Variants in MYO9B observed in about 807,000 individuals in gnomAD.
The protein encoded by MYO9B is unconventional myosin-IXb.
Under a neutral mutation model 229.5 loss-of-function variants are expected in MYO9B, and 71 were observed. The observed-to-expected ratio is 0.31, with a 90% confidence interval of 0.26 to 0.38. The LOEUF is 0.38. Ranked by LOEUF, MYO9B falls within the 10% of genes least tolerant of loss-of-function variation. MYO9B has a pLI of 1.00. For synonymous variants in MYO9B, 1,185 were observed against 1,235.8 expected, an observed-to-expected ratio of 0.96 and a Z score of 0.86; for missense variants, 2,255 against 2,920.5, an observed-to-expected ratio of 0.77 and a Z score of 5.25.
intron 10 of MYO9B, among the ~76,000 whole-genome samples, chr19:17,166,335 G>A (rs921723953): frequency 3.3e-5 from 5 of 152,140 alleles, no homozygotes; most frequent in Admixed American, 2.6e-4. Flanking sequence ...GAGCCACCAC[G>A]CCCAGCCCTT....
intron 1 of MYO9B, among the ~76,000 whole-genome samples, chr19:17,086,792 A>T (rs1019000901): frequency 1.3e-5 from 2 of 152,104 alleles, no homozygotes; most frequent in African/African-American, 4.8e-5. Context: ...AGGCACGAGA[A>T]TCACTTGAAC....
At chr19:17,205,100 G>A (rs964192810) in intron 30 of MYO9B, among the ~76,000 whole-genome samples, 163 bp from the exon 31 acceptor site, 7 of 150,674 alleles carry the variant, frequency 4.6e-5, no homozygotes, top group Non-Finnish European at 8.8e-5. Context: ...GCAGTGAGCC[G>A]AGATCACGCC....
At chr19:17,094,403 T>C (rs1017770314) in intron 1 of MYO9B, among the ~76,000 whole-genome samples, 5 of 152,116 alleles carry the variant, frequency 3.3e-5, no homozygotes. Context: ...ACTTACTCAG[T>C]GTGCCAACAG....
rs201901797 is a variant in MYO9B, at chr19:17,101,761, C to T, written c.44C>T (p.Ala15Val). 198 of 1,596,152 alleles carry T rather than the reference C, an allele frequency of 1.2e-4. 2 individuals carry two copies. In the Admixed American group the frequency reaches 3.2e-3, roughly 26 times the overall value. ...GGCAGCTCGGGCCGCCGGGAGCAGG[C>T]GGCCTACCACCTGCACATCTACCCC... is the stretch of plus-strand genomic sequence containing the variant. ...EAGSSGRREQ[A>V]AYHLHIYPQL... is the part of the protein sequence containing the mutation. Residue 15 changes from alanine (A) to valine (V), a missense_variant, in exon 2 of 40, where the codon GCG becomes GTG. Coordinates refer to ENST00000682292, the MANE Select transcript of MYO9B (RefSeq NM_004145.4). The surrounding 1 kb of genome is among the most constrained non-coding windows in gnomAD (Gnocchi z 4.7).
intron 26 of MYO9B, 147 bp downstream of exon 26, chr19:17,200,976 T>G: frequency 1.0e-6 from 1 of 963,944 alleles, no homozygotes; most frequent in Non-Finnish European, 1.5e-6. Context: ...CAGTGGTTCA[T>G]GTTTGTCATC....
At chr19:17,109,424 C>T (rs1055461260) in intron 2 of MYO9B, among the ~76,000 whole-genome samples, 3 of 152,118 alleles carry the variant, frequency 2.0e-5, no homozygotes, top group Admixed American at 6.6e-5. Context: ...GTTTGGGCTT[C>T]GTGATTTTCC....
intron 1 of MYO9B, among the ~76,000 whole-genome samples, chr19:17,095,237 GAA>G: frequency 6.6e-6 from 1 of 151,240 alleles, no homozygotes; most frequent in African/African-American, 2.4e-5. Context: ...TCTCAAAAAA[GAA>G]AAAAAAATTA....
chr19:17,124,430 G>A (rs995203740), intron 2 of MYO9B, among the ~76,000 whole-genome samples: 3 of 152,140 alleles, frequency 2.0e-5, no homozygotes, highest in Admixed American at 6.6e-5. Context: ...AAAACTTCGT[G>A]GAACTTTTTT....
At position 17,194,583 on chromosome 19, in the gene MYO9B, G is replaced by A; in HGVS notation, c.3156G>A (p.Gln1052=). 1 of 1,612,820 alleles carries A rather than the reference G, an allele frequency of 6.2e-7. No homozygotes were observed. The highest frequency in any genetic ancestry group is 2.2e-5 in the East Asian group (1 of 44,886). The part of the protein sequence containing the change: ...KSFSQMISEK[Q]KAEEKEREAL... ...TCAGCCAGATGATCTCGGAGAAGCA[G>A]AAGGCAGAAGAGAAGGAGAGGGAAG... The change falls in exon 22 of 40, where the codon CAG becomes CAA. Residue 1052 remains glutamine, a synonymous_variant. Coordinates refer to ENST00000682292, the MANE Select transcript of MYO9B (RefSeq NM_004145.4).
At chr19:17,144,451 G>A (rs1240909158) in intron 2 of MYO9B, among the ~76,000 whole-genome samples, 4 of 149,812 alleles carry the variant, frequency 2.7e-5, no homozygotes, top group African/African-American at 9.9e-5. Flanking sequence ...CAAAAAATTA[G>A]CCAGGCGTGG....
intron 2 of MYO9B, among the ~76,000 whole-genome samples, chr19:17,104,141 G>A (rs1277753680): frequency 3.3e-5 from 5 of 152,122 alleles, no homozygotes; most frequent in Non-Finnish European, 7.4e-5. Context: ...GAAAGAAAAG[G>A]CTGGTGTATT....
intron 2 of MYO9B, among the ~76,000 whole-genome samples, chr19:17,118,635 T>A (rs913483367): frequency 2.0e-5 from 3 of 151,882 alleles, no homozygotes; most frequent in Non-Finnish European, 4.4e-5. Context: ...GCGTGCGCCA[T>A]CACGCCCACC....
rs1599381840 is a variant in MYO9B, at chr19:17,162,424, C to T, written c.1494C>T (p.Asn498=). The T allele has an allele frequency of 1.3e-6, 2 of 1,585,224 alleles. No individual in the cohort carries two copies. The highest frequency in any genetic ancestry group is 1.7e-6 in the Non-Finnish European group (2 of 1,166,726). Residue 498 remains asparagine, a synonymous_variant, in exon 9 of 40, where the codon AAC becomes AAT. Transcript: ENST00000682292. The part of the protein sequence containing the change: ...ALFDWIVLRI[N]HALLNKKDVE... ...TCGACTGGATTGTGCTGCGGATCAACCACGCACTCCTCAACAAGAAGGACG... is the reference window on the plus strand; with the variant it reads ...TCGACTGGATTGTGCTGCGGATCAATCACGCACTCCTCAACAAGAAGGACG...
chr19:17,172,224 G>GC lies in MYO9B; in HGVS notation c.1794-109dup. The GC allele has an allele frequency of 7.3e-7, 1 of 1,372,728 alleles. No individual in the cohort carries two copies. The highest frequency in any genetic ancestry group is 9.9e-7 in the Non-Finnish European group (1 of 1,009,794). The allele number at this position is 1,372,728 out of a possible 1,614,324, so 85.0% of individuals were successfully genotyped here. On this transcript the variant is annotated intron_variant, in intron 11 of 39. Transcript: ENST00000682292. This position sits in a 1 kb window ranked among gnomAD's most constrained non-coding sequence, Gnocchi z 8.2. ...GAGCCCTGTGCCACTTCACTGCTCT[G>GC]CCCACCCCATGCACCCACCCACCTC...
chr19:17,188,698 T>C (rs1323627293), intron 19 of MYO9B, among the ~76,000 whole-genome samples: 4 of 152,124 alleles, frequency 2.6e-5, no homozygotes, highest in Non-Finnish European at 4.4e-5. Flanking sequence ...CCTTAAATAT[T>C]TGAAATAATA....
rs2145291041 is a variant in MYO9B, at chr19:17,157,009, G to A, written c.1300G>A (p.Val434Met). ...AGGGTTGGAGGTCGGGCCACCCGAG[G>A]TGCTGGACACCCTGTCGCAGCTTCT... is the stretch of plus-strand genomic sequence containing the variant. ...EEGLEVGPPE[V>M]LDTLSQLLKV... The change falls in exon 7 of 40, where the codon GTG (valine) becomes ATG (methionine). Residue 434 changes from valine to methionine, a missense_variant. Val to Met is a conservative substitution (Grantham distance 21, BLOSUM62 1). Coordinates refer to ENST00000682292, the MANE Select transcript of MYO9B (RefSeq NM_004145.4). 6 of 1,613,740 alleles carry A rather than the reference G, an allele frequency of 3.7e-6. No individual in the cohort carries two copies. The highest frequency in any genetic ancestry group is 5.1e-6 in the Non-Finnish European group (6 of 1,179,818).
chr19:17,149,271 G>A (rs1052729659), intron 3 of MYO9B, among the ~76,000 whole-genome samples: 33 of 152,074 alleles, frequency 2.2e-4, no homozygotes, highest in African/African-American at 7.0e-4. Context: ...GAGCCACTGC[G>A]CCCAGCTCCC....
chr19:17,207,122 G>A lies in MYO9B; in HGVS notation c.5502G>A (p.Leu1834=). The part of the protein sequence containing the change: ...RLIFHLVKVA[L]LEDVNRMSPG... ...GCCAGTGGCTGTGCAGGGTGGCCCT[G>A]CTCGAGGATGTCAACCGCATGTCAC... Residue 1834 remains leucine (L), a synonymous_variant, in exon 35 of 40, where the codon CTG becomes CTA. Coordinates refer to ENST00000682292, the MANE Select transcript of MYO9B (RefSeq NM_004145.4). 6.2e-7 allele frequency: 1 copy of A among 1,610,458 alleles called. No homozygotes were observed. The highest frequency in any genetic ancestry group is 1.1e-5 in the South Asian group (1 of 90,548).
chr19:17,203,572 C>T (rs2073130202), intron 30 of MYO9B, among the ~76,000 whole-genome samples: 1 of 150,664 alleles, frequency 6.6e-6, no homozygotes, highest in Non-Finnish European at 1.5e-5. Flanking sequence ...GAGATCGCGC[C>T]ACTGCACCCT....
Sources: gnomAD v4.1 joint callset for allele counts (sites outside exome capture counted in the v4.1 genomes callset) on GRCh38, gnomAD v4.1.1 for gene constraint, Gnocchi (gnomAD v3.1) non-coding constraint, MANE v1.5 for transcripts, NCBI Gene and HGNC (gene_info 2026-07-23, HGNC 2026-07-21) for gene names.